The following ZBTB20 variants were observed in gnomAD, a reference collection of about 807,000 sequenced individuals.
ZBTB20 encodes zinc finger and BTB domain containing 20.
In ZBTB20, 9 loss-of-function variants were observed where a neutral mutation model predicts 56.9. The ratio of observed to expected loss-of-function variants is 0.16; its 90% confidence interval spans 0.10 to 0.28. The LOEUF (loss-of-function observed/expected upper bound fraction) is 0.28. ZBTB20 is among the 10% of genes least tolerant of loss of function. The pLI is 1.00. For synonymous variants in ZBTB20, 417 were observed against 420.7 expected, an observed-to-expected ratio of 0.99 and a Z score of 0.11; for missense variants, 655 against 1,003.0, an observed-to-expected ratio of 0.65 and a Z score of 4.69.
chr3:114,624,222 G>C (rs925104765), intron 6 of ZBTB20: 1 of 151,990 alleles, frequency 6.6e-6, no homozygotes, highest in South Asian at 2.1e-4. Context: ...TTAGTTTGTC[G>C]AGTTCACAGT....
At chr3:114,462,840 C>T (rs2092390999) in intron 7 of ZBTB20, among the ~76,000 whole-genome samples, 1 of 152,140 alleles carries the variant, frequency 6.6e-6, no homozygotes, top group Admixed American at 6.5e-5. Context: ...TGGAGAAAAC[C>T]ACCTCATAAG....
intron 7 of ZBTB20, chr3:114,445,647 T>C (rs541092521): frequency 1.3e-5 from 2 of 152,066 alleles, no homozygotes; most frequent in African/African-American, 2.4e-5. Context: ...CTCTGAAAAA[T>C]TGGTAAGAAA....
chr3:114,998,094 G>C (rs1560476677), intron 2 of ZBTB20, among the ~76,000 whole-genome samples: 1 of 151,654 alleles, frequency 6.6e-6, no homozygotes, highest in Non-Finnish European at 1.5e-5. Flanking sequence ...ATTTTGAAGT[G>C]ATTATATACA....
intron 1 of ZBTB20, among the ~76,000 whole-genome samples, chr3:115,127,294 T>TA (rs1341305605): frequency 2.6e-5 from 4 of 152,080 alleles, no homozygotes; most frequent in South Asian, 2.1e-4. Flanking sequence ...TCTTAGTCTT[T>TA]AAAAAAAGGA....
chr3:115,007,578 G>A (rs1444366519), intron 2 of ZBTB20, among the ~76,000 whole-genome samples: 1 of 151,590 alleles, frequency 6.6e-6, no homozygotes, highest in Admixed American at 6.6e-5. Context: ...AAACATGCAT[G>A]ATTATCTCCC....
intron 5 of ZBTB20, among the ~76,000 whole-genome samples, 160 bp from the exon 6 acceptor site, chr3:114,693,735 T>C (rs1025589855): frequency 1.3e-5 from 2 of 152,142 alleles, no homozygotes; most frequent in Non-Finnish European, 2.9e-5. Flanking sequence ...GGAATGGAAA[T>C]AGAATTGTGC....
chr3:114,990,693 C>T (rs370604233), intron 2 of ZBTB20, among the ~76,000 whole-genome samples: 1 of 152,050 alleles, frequency 6.6e-6, no homozygotes, highest in African/African-American at 2.4e-5. Flanking sequence ...CCAGCTCCTC[C>T]TTGTACCTCT....
chr3:115,053,278 C>T (rs1416578182), intron 2 of ZBTB20, among the ~76,000 whole-genome samples: 1 of 152,158 alleles, frequency 6.6e-6, no homozygotes, highest in African/African-American at 2.4e-5. Flanking sequence ...TATCCTTCAT[C>T]GTTGGAACAG....
chr3:115,122,673 T>A (rs145919727), intron 1 of ZBTB20, among the ~76,000 whole-genome samples: 11 of 152,208 alleles, frequency 7.2e-5, no homozygotes, highest in African/African-American at 2.6e-4. Context: ...ATGAAGACTT[T>A]CTATATATTA....
chr3:114,707,874 T>C (rs1418645251), intron 5 of ZBTB20, among the ~76,000 whole-genome samples: 3 of 152,172 alleles, frequency 2.0e-5, no homozygotes, highest in African/African-American at 2.4e-5. Context: ...GCTGGCACCA[T>C]ATAACTTAAT....
chr3:114,995,981 A>G (rs1454705964), intron 2 of ZBTB20, among the ~76,000 whole-genome samples: 18 of 151,846 alleles, frequency 1.2e-4, no homozygotes, highest in Non-Finnish European at 1.5e-5. Context: ...GAAACTATAG[A>G]GGGAATGTCA....
At chr3:115,111,498 A>G (rs190566779) in intron 1 of ZBTB20, among the ~76,000 whole-genome samples, 29 of 152,302 alleles carry the variant, frequency 1.9e-4, no homozygotes, top group African/African-American at 6.3e-4. Flanking sequence ...GTCTAAAGTA[A>G]TTAAAATTCT....
At chr3:114,748,326 CTT>C (rs764662895) in intron 5 of ZBTB20, among the ~76,000 whole-genome samples, 12 of 99,980 alleles carry the variant, frequency 1.2e-4, no homozygotes, top group African/African-American at 4.2e-4. Context: ...TTCTTTCTTT[CTT>C]TCTTTCTTCT....
intron 4 of ZBTB20, among the ~76,000 whole-genome samples, chr3:114,875,894 C>T (rs1208000682): frequency 6.6e-6 from 1 of 152,092 alleles, no homozygotes; most frequent in Admixed American, 6.6e-5. Flanking sequence ...AATCTCCTAT[C>T]CCCCAAATTT....
At chr3:115,146,185 A>T (rs1359386720) in intron 1 of ZBTB20, among the ~76,000 whole-genome samples, 1 of 152,240 alleles carries the variant, frequency 6.6e-6, no homozygotes, top group Non-Finnish European at 1.5e-5. Context: ...CATTCAACCC[A>T]GTTCGGAGTG....
intron 4 of ZBTB20, among the ~76,000 whole-genome samples, chr3:114,811,696 C>A (rs1166327084): frequency 6.6e-6 from 1 of 152,178 alleles, no homozygotes; most frequent in Non-Finnish European, 1.5e-5. Flanking sequence ...AGTGTCATAA[C>A]CTTTAATCTA....
At chr3:114,440,192 T>C (rs1223152743) in intron 7 of ZBTB20, among the ~76,000 whole-genome samples, 1 of 152,104 alleles carries the variant, frequency 6.6e-6, no homozygotes, top group South Asian at 2.1e-4. Flanking sequence ...TGTAAATAGA[T>C]AGCTACGATA....
intron 1 of ZBTB20, among the ~76,000 whole-genome samples, chr3:115,120,755 C>T (rs2084162604): frequency 6.6e-6 from 1 of 152,066 alleles, no homozygotes; most frequent in African/African-American, 2.4e-5. Context: ...ACTCATGCCT[C>T]TCAATCCAGT....
intron 6 of ZBTB20, among the ~76,000 whole-genome samples, chr3:114,545,625 T>C (rs1051192554): frequency 1.3e-5 from 2 of 152,164 alleles, no homozygotes; most frequent in South Asian, 2.1e-4. Context: ...TAATAACCCA[T>C]AGTAGGGACA....
Sources: gnomAD v4.1 joint callset for allele counts (sites outside exome capture counted in the v4.1 genomes callset) on GRCh38, gnomAD v4.1.1 for gene constraint, MANE v1.5 for transcripts, NCBI Gene and HGNC (gene_info 2026-07-23, HGNC 2026-07-21) for gene names.